Variants in TMEM156 observed in about 807,000 individuals in gnomAD.
TMEM156 encodes the protein transmembrane protein 156.
TMEM156 carries 28 observed loss-of-function variants against 30.5 expected under a neutral mutation model. That is an observed-to-expected ratio of 0.92 (90% confidence interval 0.68 to 1.26). The LOEUF is 1.26. Among genes scored for constraint, TMEM156 ranks in the 50% most tolerant of loss-of-function variants. The pLI is 0.00. For missense variants in TMEM156, 351 were observed against 340.6 expected, an observed-to-expected ratio of 1.03 and a Z score of -0.24; for synonymous variants, 137 against 119.9, an observed-to-expected ratio of 1.14 and a Z score of -0.93.
chr4:39,018,838 T>G (rs989039937), intron 1 of TMEM156, among the ~76,000 whole-genome samples: 3 of 152,036 alleles, frequency 2.0e-5, no homozygotes, highest in African/African-American at 7.2e-5. Flanking sequence ...CTGGCCAACA[T>G]GGTGAAACCC....
At chr4:38,999,117 T>A (rs1249478868) in intron 1 of TMEM156, among the ~76,000 whole-genome samples, 139 of 69,774 alleles carry the variant, frequency 2.0e-3, no homozygotes, top group African/African-American at 4.8e-3. Flanking sequence ...TTTATTTTTT[T>A]TTTTTTTTTT....
chr4:39,005,729 G>T (rs1713685105), intron 1 of TMEM156, among the ~76,000 whole-genome samples: 2 of 152,120 alleles, frequency 1.3e-5, no homozygotes, highest in African/African-American at 4.8e-5. Flanking sequence ...ATATGTCTGT[G>T]AAGTTGATGT....
At chr4:39,014,136 T>G (rs1265367414) in intron 1 of TMEM156, among the ~76,000 whole-genome samples, 2 of 152,192 alleles carry the variant, frequency 1.3e-5, no homozygotes, top group African/African-American at 2.4e-5. Flanking sequence ...CCAACCATTT[T>G]AAACAAAAGA....
At chr4:38,975,208 A>G (rs970895914) in intron 5 of TMEM156, among the ~76,000 whole-genome samples, 3 of 151,922 alleles carry the variant, frequency 2.0e-5, no homozygotes, top group African/African-American at 4.8e-5. Flanking sequence ...GGCCCACAGC[A>G]CTCATCTCCT....
chr4:39,011,282 T>C (rs1213397536), intron 1 of TMEM156, among the ~76,000 whole-genome samples: 1 of 152,192 alleles, frequency 6.6e-6, no homozygotes, highest in Non-Finnish European at 1.5e-5. Flanking sequence ...GAAAAGGAAG[T>C]TTATATGCTG....
chr4:38,984,093 C>CA (rs1398626595), intron 5 of TMEM156, among the ~76,000 whole-genome samples: 1 of 152,172 alleles, frequency 6.6e-6, no homozygotes, highest in Non-Finnish European at 1.5e-5. Context: ...TCACGCTTCT[C>CA]AAAGCAAGGA....
intron 1 of TMEM156, among the ~76,000 whole-genome samples, chr4:39,024,763 C>T (rs1430143316): frequency 3.3e-5 from 5 of 152,124 alleles, no homozygotes; most frequent in African/African-American, 7.2e-5. Context: ...ACAACAAACC[C>T]CAGTGACATG....
At chr4:38,996,443 G>A (rs1041875431) in intron 2 of TMEM156, among the ~76,000 whole-genome samples, 1 of 151,728 alleles carries the variant, frequency 6.6e-6, no homozygotes, top group Non-Finnish European at 1.5e-5. Context: ...ATGGTAGCAG[G>A]CGTCTGTAAT....
intron 1 of TMEM156, among the ~76,000 whole-genome samples, chr4:39,012,673 G>A (rs144936070): frequency 6.6e-6 from 1 of 152,336 alleles, no homozygotes; most frequent in East Asian, 1.9e-4. Context: ...GGGCATGGTG[G>A]CTCACGCCTG....
intron 1 of TMEM156, among the ~76,000 whole-genome samples, chr4:39,012,289 C>T (rs1166051691): frequency 1.3e-5 from 2 of 152,084 alleles, no homozygotes; most frequent in Non-Finnish European, 2.9e-5. Flanking sequence ...CATTTATTTG[C>T]AAATTACTAT....
At chr4:39,017,171 C>CTTTTTTTTTTTTTT (rs1159565890) in intron 1 of TMEM156, among the ~76,000 whole-genome samples, 1 of 91,300 alleles carries the variant, frequency 1.1e-5, no homozygotes, top group Non-Finnish European at 2.0e-5. Flanking sequence ...TGTATTTCTT[C>CTTTTTTTTTTTTTT]TTTTTTTTTT....
At chr4:38,992,384 G>A (rs773214569) in intron 3 of TMEM156, among the ~76,000 whole-genome samples, 32 of 151,960 alleles carry the variant, frequency 2.1e-4, no homozygotes, top group Non-Finnish European at 4.3e-4. Flanking sequence ...GATTTTTTGG[G>A]TGAAGTAGGG....
intron 3 of TMEM156, 52 bp downstream of exon 3, chr4:38,993,686 A>G (rs1424545841): frequency 2.0e-6 from 3 of 1,518,516 alleles, no homozygotes; most frequent in Non-Finnish European, 1.8e-6. Flanking sequence ...ACTTAATTTT[A>G]CATATCTATA....
At chr4:38,996,982 C>CT (rs1553879677) in intron 2 of TMEM156, among the ~76,000 whole-genome samples, 71 of 152,194 alleles carry the variant, frequency 4.7e-4, no homozygotes, top group Non-Finnish European at 9.0e-4. Flanking sequence ...ATGTAATAGA[C>CT]ATAGCTAGGA....
chr4:39,017,715 A>G (rs756205013), intron 1 of TMEM156, among the ~76,000 whole-genome samples: 1 of 152,180 alleles, frequency 6.6e-6, no homozygotes, highest in African/African-American at 2.4e-5. Context: ...TTTAGAATTG[A>G]TGCATATTCT....
chr4:38,993,210 G>C (rs1712667827), intron 3 of TMEM156, among the ~76,000 whole-genome samples: 1 of 151,928 alleles, frequency 6.6e-6, no homozygotes, highest in Admixed American at 6.6e-5. Flanking sequence ...CAGGTGGATT[G>C]CTTAAGCCTA....
intron 1 of TMEM156, among the ~76,000 whole-genome samples, chr4:39,001,638 C>T (rs1713372004): frequency 2.0e-5 from 3 of 150,226 alleles, no homozygotes; most frequent in African/African-American, 4.9e-5. Context: ...AACTATACTA[C>T]AAGGCTACAG....
In TMEM156 at chr4:39,029,587, G is replaced by T. The variant is rs113202148; in HGVS notation, c.88+2639C>A. ...AAATTAGCCGGGCGTGGTAGCGGGC[G>T]CCTGTAGTCCCAGCTACTCGGGAGG... is the stretch of plus-strand genomic sequence containing the variant. On this transcript the variant is annotated intron_variant, in intron 1 of 6. Coordinates refer to ENST00000381938, the MANE Select transcript of TMEM156 (RefSeq NM_024943.3). Among the ~76,000 whole-genome samples the T allele has an allele frequency of 4.4e-5, 2 of 45,500 alleles. 1 individual carries two copies. The highest frequency in any genetic ancestry group is 2.9e-4 in the African/African-American group (2 of 6,998). The allele number at this position is 45,500 out of a possible 152,430, so 29.8% of individuals were successfully genotyped here. A position where few individuals can be genotyped will look rare whatever the true frequency, so the allele number is the denominator to read the frequency against.
intron 2 of TMEM156, among the ~76,000 whole-genome samples, chr4:38,997,817 TATTATGTCAGAC>T: frequency 6.6e-6 from 1 of 152,302 alleles, no homozygotes; most frequent in Non-Finnish European, 1.5e-5. Context: ...GTCTACTAGG[TATTATGTCAGAC>T]ATTGTGCACA....
Sources: allele counts gnomAD v4.1 joint callset (sites outside exome capture counted in the v4.1 genomes callset), GRCh38; gene constraint gnomAD v4.1.1; transcripts MANE v1.5; gene names NCBI Gene and HGNC (gene_info 2026-07-23, HGNC 2026-07-21).